TJP2: variants seen among roughly 807,000 people sequenced by gnomAD.
TJP2 encodes the protein tight junction protein 2.
A neutral mutation model predicts 133.1 loss-of-function variants in TJP2; 91 were observed. The observed-to-expected ratio is 0.68, with a 90% CI of 0.58 to 0.81. The LOEUF is 0.81. TJP2 is among the 40% of genes least tolerant of loss of function. The pLI, the probability that TJP2 is intolerant of heterozygous loss-of-function variation, is 0.00. For synonymous variants in TJP2, 592 were observed against 583.4 expected, an observed-to-expected ratio of 1.01 and a Z score of -0.21; for missense variants, 1,541 against 1,565.6, an observed-to-expected ratio of 0.98 and a Z score of 0.26.
Position 69,137,271 on chromosome 9 carries a change from T to TTTTC in TJP2, c.-130-14352_-130-14349dup, listed in dbSNP as rs71507118. ...TCTCTTTCTTTCTTTCTTTCTTTCTTTTTCTTTCTTTCTTTCTTTCTTTCT... is the reference window on the plus strand; with the variant it reads ...TCTCTTTCTTTCTTTCTTTCTTTCTTTTTCTTTCTTTCTTTCTTTCTTTCTTTCT... On this transcript the variant is annotated intron_variant, in intron 1 of 5. Coordinates refer to the TJP2 transcript ENST00000423935. 4.9e-3 allele frequency among the ~76,000 whole-genome samples: 447 copies of TTTTC among 92,012 alleles called. 3 individuals are homozygous for TTTTC. Among genetic ancestry groups the TTTTC allele is most frequent in the Non-Finnish European group, 6.5e-3 (323 of 50,048 alleles). The allele number at this position is 92,012 out of a possible 152,430, so 60.4% of individuals were successfully genotyped here. A position where few individuals can be genotyped will look rare whatever the true frequency, so the allele number is the denominator to read the frequency against.
At chr9:69,229,469 GTT>G (rs1334290549) in intron 10 of TJP2, among the ~76,000 whole-genome samples, 4 of 152,192 alleles carry the variant, frequency 2.6e-5, no homozygotes, top group Non-Finnish European at 5.9e-5. Context: ...AATGTTGTCT[GTT>G]TACCTACCTA....
Position 69,174,318 on chromosome 9 carries a change from G to A in TJP2, c.-55G>A. ...GTGCCCAGGAGGAGTAGGAGCAGGAGCAGAAGCAGAAGCGGGGTCCGGAGC... is the reference window on the plus strand; with the variant it reads ...GTGCCCAGGAGGAGTAGGAGCAGGAACAGAAGCAGAAGCGGGGTCCGGAGC... On this transcript the variant is annotated 5_prime_UTR_variant, in exon 1 of 23. Coordinates refer to ENST00000377245, the MANE Select transcript of TJP2 (RefSeq NM_004817.4). 1 of 1,550,644 alleles carries A rather than the reference G, an allele frequency of 6.4e-7. No individual in the cohort carries two copies. The highest frequency in any genetic ancestry group is 8.7e-7 in the Non-Finnish European group (1 of 1,146,682).
chr9:69,218,393 T>C (rs1384365324), intron 4 of TJP2, 34 bp downstream of exon 4: 6 of 1,579,756 alleles, frequency 3.8e-6, no homozygotes, highest in Non-Finnish European at 5.2e-6. Flanking sequence ...CTTGCCTTAA[T>C]AGCATTTTGG....
At chr9:69,173,641 G>T (rs1824814614), upstream of TJP2, among the ~76,000 whole-genome samples, 1 of 152,198 alleles carries the variant, frequency 6.6e-6, no homozygotes, top group African/African-American at 2.4e-5. Context: ...GCTGAGAAAT[G>T]TGGGGTACAA....
At chr9:69,237,839 C>T in intron 14 of TJP2, 39 bp from the exon 15 acceptor site, 7 of 1,391,706 alleles carry the variant, frequency 5.0e-6, no homozygotes, top group Non-Finnish European at 7.2e-6. Flanking sequence ...AACAGCTAGG[C>T]AAGTGTGTAT....
chr9:69,251,837 A>G (rs1831357610), intron 21 of TJP2, among the ~76,000 whole-genome samples: 1 of 152,166 alleles, frequency 6.6e-6, no homozygotes, highest in Non-Finnish European at 1.5e-5. Context: ...AATTTAACTA[A>G]AGGTCTGTGG....
chr9:69,174,163 G>C, upstream of TJP2: 1 of 1,287,420 alleles, frequency 7.8e-7, no homozygotes. Flanking sequence ...CGGGCGGCCA[G>C]CGCGGAGGCG....
rs1274663429 is a variant in TJP2 at position 69,225,440 on chromosome 9, CAT to C, written c.1056+35_1056+36del. On this transcript the variant is annotated intron_variant, in intron 6 of 22. Transcript: ENST00000377245. ...GATGGGGGCAGAGAACGGTAGTGTG[CAT>C]ACTGCCGTTCATCGCCTGCATGTCC... 6 of 1,421,710 alleles carry C rather than the reference CAT, an allele frequency of 4.2e-6. No homozygotes were observed. In the African/African-American group the frequency reaches 5.6e-5, roughly 13 times the overall value. 88.1% of individuals were successfully genotyped at this position (1,421,710 alleles called of 1,614,324 possible).
intron 1 of TJP2, among the ~76,000 whole-genome samples, chr9:69,188,387 G>A (rs896417878): frequency 6.6e-6 from 1 of 152,050 alleles, no homozygotes; most frequent in African/African-American, 2.4e-5. Flanking sequence ...AGTGTCACAC[G>A]GCTTGTGTGA....
rs1241382466 is a variant in TJP2 at position 69,137,249 on chromosome 9, CTT to C, written c.-130-14400_-130-14399del. Among the ~76,000 whole-genome samples the C allele has an allele frequency of 5.1e-3, 104 of 20,454 alleles. No homozygotes were observed. The South Asian group carries it at 0.12, about 24-fold the overall frequency. The allele number at this position is 20,454 out of a possible 152,430, so 13.4% of individuals were successfully genotyped here. A position where few individuals can be genotyped will look rare whatever the true frequency, so the allele number is the denominator to read the frequency against. ...TCCTTCTTTCTTTCTTTCTCTCTCT[CTT>C]TCTTTCTTTCTTTCTTTCTTTTTCT... On this transcript the variant is annotated intron_variant, in intron 1 of 5. Coordinates refer to the TJP2 transcript ENST00000423935.
chr9:69,197,966 T>A (rs1826706214), intron 1 of TJP2, among the ~76,000 whole-genome samples: 1 of 151,996 alleles, frequency 6.6e-6, no homozygotes, highest in South Asian at 2.1e-4. Flanking sequence ...GATGATGCCA[T>A]CGTTTGATGA....
At chr9:69,177,064 C>G (rs1825148721) in intron 1 of TJP2, among the ~76,000 whole-genome samples, 1 of 152,136 alleles carries the variant, frequency 6.6e-6, no homozygotes, top group African/African-American at 2.4e-5. Flanking sequence ...AATTCCTTGC[C>G]TCATCTCTAG....
chr9:69,127,553 C>CA (rs113447829), intron 1 of TJP2, among the ~76,000 whole-genome samples: 710 of 59,848 alleles, frequency 0.012, 202 homozygotes, highest in African/African-American at 0.034. Context: ...GATCTTGTCT[C>CA]AAAAAAAAAA....
intron 2 of TJP2, among the ~76,000 whole-genome samples, chr9:69,155,398 A>G (rs1183900012): frequency 6.6e-6 from 1 of 152,194 alleles, no homozygotes; most frequent in East Asian, 1.9e-4. Flanking sequence ...CAGCAGCCAA[A>G]CTTCCATACT....
chr9:69,132,835 A>G (rs1389587365), intron 1 of TJP2, among the ~76,000 whole-genome samples: 1 of 152,196 alleles, frequency 6.6e-6, no homozygotes, highest in Non-Finnish European at 1.5e-5. Context: ...AGAAGGCATG[A>G]ATTTTATAAT....
chr9:69,225,610 C>G (rs1374368228), intron 6 of TJP2, among the ~76,000 whole-genome samples: 1 of 151,596 alleles, frequency 6.6e-6, no homozygotes, highest in Non-Finnish European at 1.5e-5. Flanking sequence ...GTTTAGAAAA[C>G]AAAAACAAAA....
chr9:69,204,459 C>T (rs1827239676), intron 1 of TJP2, among the ~76,000 whole-genome samples: 2 of 152,176 alleles, frequency 1.3e-5, no homozygotes, highest in Admixed American at 6.5e-5. Flanking sequence ...AAATTTGCTT[C>T]TCCACCCCTC....
At chr9:69,245,329 G>T in intron 17 of TJP2, among the ~76,000 whole-genome samples, 1 of 152,134 alleles carries the variant, frequency 6.6e-6, no homozygotes, top group East Asian at 1.9e-4. Flanking sequence ...TTGCTTAATG[G>T]TTCTTTTTGG....
chr9:69,223,069 GAAAAAA>G (rs57114714), intron 5 of TJP2, among the ~76,000 whole-genome samples: 93 of 114,114 alleles, frequency 8.1e-4, no homozygotes, highest in Middle Eastern at 5.1e-3. Context: ...ACTCTGTCTT[GAAAAAA>G]AAAAAAAAAA....
Sources: gnomAD v4.1 joint callset for allele counts (sites outside exome capture counted in the v4.1 genomes callset) on GRCh38, gnomAD v4.1.1 for gene constraint, MANE v1.5 for transcripts, NCBI Gene and HGNC (gene_info 2026-07-23, HGNC 2026-07-21) for gene names.